The following TJP1 variants were observed in gnomAD, a reference collection of about 807,000 sequenced individuals.
TJP1 encodes tight junction protein 1.
In TJP1, 43 loss-of-function variants were observed where a neutral mutation model predicts 194.2. The ratio of observed to expected loss-of-function variants is 0.22; its 90% CI spans 0.17 to 0.29. The LOEUF is 0.29. TJP1 is among the 10% of genes least tolerant of loss of function. TJP1 has a pLI of 1.00. For missense variants in TJP1, 1,971 were observed against 2,185.7 expected (o/e 0.90, Z 1.96); for synonymous variants, 801 against 779.0 (o/e 1.03, Z -0.47).
At chr15:29,761,106 C>T (rs1236719301) in intron 8 of TJP1, 33 bp downstream of exon 8, 2 of 1,548,000 alleles carry the variant, frequency 1.3e-6, no homozygotes, top group African/African-American at 1.4e-5. Flanking sequence ...CAAACAAAAC[C>T]CCTGTATTTT....
chr15:29,744,227 T>A (rs568625804), intron 8 of TJP1, among the ~76,000 whole-genome samples: 1 of 152,150 alleles, frequency 6.6e-6, no homozygotes, highest in Admixed American at 6.5e-5. Context: ...CATGATAACA[T>A]CACTGGTAGG....
intron 2 of TJP1, among the ~76,000 whole-genome samples, chr15:29,848,793 A>T (rs1388729703): frequency 6.6e-6 from 1 of 151,892 alleles, no homozygotes; most frequent in Non-Finnish European, 1.5e-5. Context: ...AGGGAGGCGG[A>T]GGTTGCAGTG....
At position 29,732,799 on chromosome 15, in the gene TJP1, T is replaced by C; in HGVS notation, c.1753A>G (p.Ser585Gly). The change falls in exon 14 of 28, where the codon AGT becomes GGT. Residue 585 changes from serine (S) to glycine (G), a missense_variant. Transcript: ENST00000614355. The stretch of plus-strand genomic sequence containing the variant: ...GTTTTTGGAAGTGTATACTGTACAC[T>C]GGCTAGCTGCTCAGCTCTACACAAG... ...PNKNRAEQLA[S>G]VQYTLPKTAG... 1 of 1,593,264 alleles carries C rather than the reference T, an allele frequency of 6.3e-7. No individual in the cohort carries two copies. The highest frequency in any genetic ancestry group is 8.5e-7 in the Non-Finnish European group (1 of 1,172,406).
In TJP1 at chr15:29,705,517, A is replaced by C. The variant is rs780546625; in HGVS notation, c.5068+11T>G. On this transcript the variant is annotated intron_variant, in intron 26 of 27. Coordinates refer to ENST00000614355, the MANE Select transcript of TJP1 (RefSeq NM_001330239.4). The stretch of plus-strand genomic sequence containing the variant: ...GTTATCAAAACTAAGGAGAAAAATA[A>C]ACACATTTACCTTTCTCTTTATCTA... The C allele has an allele frequency of 3.0e-5, 48 of 1,613,708 alleles. No individual in the cohort carries two copies. The highest frequency in any genetic ancestry group is 3.8e-5 in the Non-Finnish European group (45 of 1,179,910).
chr15:29,785,216 C>G (rs1289321159), intron 2 of TJP1, among the ~76,000 whole-genome samples: 1 of 152,176 alleles, frequency 6.6e-6, no homozygotes, highest in East Asian at 1.9e-4. Flanking sequence ...AAACCTTAAG[C>G]AACCATGAGC....
At chr15:29,765,596 G>A (rs1192833791) in intron 5 of TJP1, among the ~76,000 whole-genome samples, 2 of 152,058 alleles carry the variant, frequency 1.3e-5, no homozygotes, top group Non-Finnish European at 2.9e-5. Flanking sequence ...GGAGTGAGGG[G>A]GAAGAAGTCC....
At chr15:29,769,898 T>C (rs1422024595) in intron 4 of TJP1, among the ~76,000 whole-genome samples, 1 of 152,170 alleles carries the variant, frequency 6.6e-6, no homozygotes, top group Non-Finnish European at 1.5e-5. Flanking sequence ...GTGTACTCCC[T>C]CTACTTATTT....
At chr15:29,957,957 T>C (rs1287682716) in intron 1 of TJP1, among the ~76,000 whole-genome samples, 1 of 152,234 alleles carries the variant, frequency 6.6e-6, no homozygotes, top group Non-Finnish European at 1.5e-5. Context: ...CTCCATGTCC[T>C]TCATTATATT....
At position 29,872,865 on chromosome 15, in the gene TJP1, A is replaced by G. The variant is rs141279847; in HGVS notation, c.307-72163T>C. Among the ~76,000 whole-genome samples the G allele has an allele frequency of 9.9e-5, 15 of 152,234 alleles. No homozygotes were observed. The East Asian group carries it at 2.5e-3, about 25-fold the overall frequency. ...TGAGTGAGTCTCACAGGGGATCTCA[A>G]ATGCCCTCTTTCACTCTGCAAGGTA... On this transcript the variant is annotated intron_variant, in intron 2 of 28. Coordinates refer to the TJP1 transcript ENST00000356107.
intron 2 of TJP1, among the ~76,000 whole-genome samples, chr15:29,783,989 AAG>A (rs1311941276): frequency 2.0e-5 from 3 of 152,212 alleles, no homozygotes; most frequent in African/African-American, 7.2e-5. Flanking sequence ...TTTTAAAAAA[AAG>A]AACGCCAGAG....
chr15:29,891,793 C>T (rs549251458), intron 2 of TJP1, among the ~76,000 whole-genome samples: 224 of 152,298 alleles, frequency 1.5e-3, no homozygotes, highest in African/African-American at 5.2e-3. Flanking sequence ...ACTGACCGGC[C>T]ATTCCCCCAT....
At chr15:29,750,799 G>A (rs1359100396) in intron 8 of TJP1, among the ~76,000 whole-genome samples, 3 of 152,138 alleles carry the variant, frequency 2.0e-5, no homozygotes, top group Admixed American at 6.5e-5. Flanking sequence ...CTTTTCACAA[G>A]TTCATTAATT....
chr15:29,725,048 A>G (rs2043158649), intron 18 of TJP1, among the ~76,000 whole-genome samples: 1 of 152,228 alleles, frequency 6.6e-6, no homozygotes, highest in Admixed American at 6.5e-5. Flanking sequence ...GGACCTGCCA[A>G]AGGATGTTAA....
chr15:29,911,693 C>T (rs1445155377), intron 2 of TJP1, among the ~76,000 whole-genome samples: 1 of 152,162 alleles, frequency 6.6e-6, no homozygotes, highest in Non-Finnish European at 1.5e-5. Context: ...CCACCAGGTC[C>T]CTCCTCCAAC....
At chr15:29,799,179 T>C (rs45446294) in intron 2 of TJP1, among the ~76,000 whole-genome samples, 116 of 152,198 alleles carry the variant, frequency 7.6e-4, no homozygotes, top group African/African-American at 2.6e-3. Flanking sequence ...AAAATAAATG[T>C]AATATGATAA....
At chr15:29,923,507 A>C (rs1224412614) in intron 2 of TJP1, among the ~76,000 whole-genome samples, 2 of 152,202 alleles carry the variant, frequency 1.3e-5, no homozygotes, top group East Asian at 3.8e-4. Context: ...GATACATGCT[A>C]CAACATGGAT....
chr15:29,825,076 T>A (rs923887557), upstream of TJP1, among the ~76,000 whole-genome samples: 3 of 152,188 alleles, frequency 2.0e-5, no homozygotes, highest in Non-Finnish European at 2.9e-5. Context: ...AAGGCTTTTA[T>A]CATCTGTAAA....
At chr15:29,703,937 C>T (rs1462953486) in intron 27 of TJP1, among the ~76,000 whole-genome samples, 2 of 152,182 alleles carry the variant, frequency 1.3e-5, no homozygotes, top group East Asian at 3.9e-4. Context: ...GCCACGGCGC[C>T]CGGCCCAAAT....
At chr15:29,703,550 T>C (rs951598245) in intron 27 of TJP1, among the ~76,000 whole-genome samples, 1 of 152,220 alleles carries the variant, frequency 6.6e-6, no homozygotes, top group Admixed American at 6.5e-5. Context: ...AATGCCTATT[T>C]GTGCAGGACA....
Sources: gnomAD v4.1 joint callset for allele counts (sites outside exome capture counted in the v4.1 genomes callset) on GRCh38, gnomAD v4.1.1 for gene constraint, MANE v1.5 for transcripts, NCBI Gene and HGNC (gene_info 2026-07-23, HGNC 2026-07-21) for gene names.